The following GRID2 variants were observed in gnomAD, a reference collection of about 807,000 sequenced individuals.
GRID2 encodes glutamate ionotropic receptor delta type subunit 2, also known as glutamate receptor ionotropic, delta-2.
A neutral mutation model predicts 114.8 loss-of-function variants in GRID2; 33 were observed. That is an observed-to-expected ratio of 0.29 (90% CI 0.22 to 0.38). The LOEUF (loss-of-function observed/expected upper bound fraction) is 0.38, where lower values mean the gene tolerates loss of function less well. Ranked by LOEUF, GRID2 falls within the 10% of genes least tolerant of loss-of-function variation. The probability of loss-of-function intolerance (pLI) is 1.00; values close to 1 mark genes in which losing one functional copy is unlikely to be tolerated. For missense variants in GRID2, 1,184 were observed against 1,257.7 expected (o/e 0.94, Z 0.89); for synonymous variants, 505 against 449.9 (o/e 1.12, Z -1.55).
intron 9 of GRID2, among the ~76,000 whole-genome samples, chr4:93,407,911 G>A: frequency 6.6e-6 from 1 of 151,298 alleles, no homozygotes; most frequent in Non-Finnish European, 1.5e-5. Context: ...CTAGTGGTAT[G>A]ATTTTTGAAT....
chr4:92,854,934 A>G (rs1194316434), intron 2 of GRID2, among the ~76,000 whole-genome samples: 4 of 152,082 alleles, frequency 2.6e-5, no homozygotes, highest in African/African-American at 9.7e-5. Flanking sequence ...TGGAAAGGAA[A>G]TAATATTTTG....
At chr4:92,580,294 T>C (rs1369714739) in intron 1 of GRID2, among the ~76,000 whole-genome samples, 1 of 151,228 alleles carries the variant, frequency 6.6e-6, no homozygotes, top group African/African-American at 2.4e-5. Flanking sequence ...CTGTAAAATC[T>C]TCATTGTTGC....
intron 14 of GRID2, among the ~76,000 whole-genome samples, chr4:93,631,375 C>G (rs1720847129): frequency 6.6e-6 from 1 of 152,138 alleles, no homozygotes; most frequent in East Asian, 1.9e-4. Context: ...ACTCCCCGAC[C>G]CTAGGACAGG....
chr4:93,485,734 C>T (rs1361152025), intron 11 of GRID2, among the ~76,000 whole-genome samples: 1 of 151,666 alleles, frequency 6.6e-6, no homozygotes, highest in Non-Finnish European at 1.5e-5. Context: ...TATCCTTGTA[C>T]AACTAACCAA....
chr4:92,390,420 G>A (rs2870625), intron 1 of GRID2, among the ~76,000 whole-genome samples: 54,383 of 151,890 alleles, frequency 0.36, 10,455 homozygotes, highest in East Asian at 0.7. Context: ...TAGAATTTAA[G>A]AAGAGTGAAA....
chr4:92,901,334 A>G (rs1747568865), intron 2 of GRID2, among the ~76,000 whole-genome samples: 1 of 152,110 alleles, frequency 6.6e-6, no homozygotes, highest in African/African-American at 2.4e-5. Context: ...AGTGGTGCTG[A>G]GCAATTTTTC....
intron 11 of GRID2, among the ~76,000 whole-genome samples, chr4:93,473,401 C>G (rs1725028633): frequency 6.6e-6 from 1 of 151,998 alleles, no homozygotes; most frequent in African/African-American, 2.4e-5. Flanking sequence ...TTTTAATAGA[C>G]TTTAAAAATA....
At chr4:92,979,579 A>G (rs1754068033) in intron 2 of GRID2, among the ~76,000 whole-genome samples, 1 of 152,148 alleles carries the variant, frequency 6.6e-6, no homozygotes, top group South Asian at 2.1e-4. Flanking sequence ...CCAAAGAGCA[A>G]GGTGTGATTT....
chr4:92,677,737 C>T (rs1470399635), intron 2 of GRID2, among the ~76,000 whole-genome samples: 1 of 151,950 alleles, frequency 6.6e-6, no homozygotes, highest in Admixed American at 6.6e-5. Flanking sequence ...TTCTATTATC[C>T]AGGATTAGAT....
chr4:92,942,713 G>T (rs1459306238), intron 2 of GRID2, among the ~76,000 whole-genome samples: 3 of 152,136 alleles, frequency 2.0e-5, no homozygotes, highest in South Asian at 2.1e-4. Context: ...GGTACCGGTT[G>T]TTCCTTTCCA....
chr4:92,578,361 A>G (rs1728008997), intron 1 of GRID2, among the ~76,000 whole-genome samples: 1 of 142,350 alleles, frequency 7.0e-6, no homozygotes, highest in Non-Finnish European at 1.5e-5. Context: ...GAGTGAGAAC[A>G]TGAAGTGTTT....
intron 14 of GRID2, among the ~76,000 whole-genome samples, chr4:93,741,076 C>A (rs1731321792): frequency 6.7e-6 from 1 of 148,572 alleles, no homozygotes; most frequent in Non-Finnish European, 1.5e-5. Context: ...GGTTTCAGTT[C>A]CTGTCTCAAT....
intron 2 of GRID2, among the ~76,000 whole-genome samples, chr4:92,875,048 A>G (rs1487821688): frequency 2.0e-5 from 3 of 151,282 alleles, no homozygotes; most frequent in Non-Finnish European, 4.4e-5. Context: ...GGACTTTATT[A>G]GATGTAAATA....
At chr4:92,439,481 G>C (rs944830549) in intron 1 of GRID2, among the ~76,000 whole-genome samples, 1 of 150,498 alleles carries the variant, frequency 6.6e-6, no homozygotes, top group Admixed American at 6.6e-5. Context: ...ATTTTTAGGG[G>C]GTGGTATGGA....
At chr4:93,794,667 C>A (rs1216188675) in intron 1 of GRID2, among the ~76,000 whole-genome samples, 3 of 152,190 alleles carry the variant, frequency 2.0e-5, no homozygotes, top group Admixed American at 1.3e-4. Flanking sequence ...GCAGGGTTTG[C>A]CAACTTGCAG....
chr4:93,478,027 A>C (rs953047734), intron 11 of GRID2, among the ~76,000 whole-genome samples: 1 of 152,080 alleles, frequency 6.6e-6, no homozygotes, highest in Non-Finnish European at 1.5e-5. Context: ...CTTAACATAC[A>C]ACTGTGTCAA....
chr4:92,466,226 G>A (rs1329870559), intron 1 of GRID2, among the ~76,000 whole-genome samples: 1 of 151,648 alleles, frequency 6.6e-6, no homozygotes, highest in Non-Finnish European at 1.5e-5. Context: ...TACTTGTGTT[G>A]GGAGCATTCA....
intron 14 of GRID2, among the ~76,000 whole-genome samples, chr4:93,729,552 C>T (rs975816796): frequency 6.8e-6 from 1 of 146,326 alleles, no homozygotes; most frequent in South Asian, 2.2e-4. Context: ...TAATCATTTT[C>T]TTTTTTTTTT....
chr4:93,427,142 A>T (rs554302246), intron 10 of GRID2, among the ~76,000 whole-genome samples: 1 of 152,160 alleles, frequency 6.6e-6, no homozygotes, highest in African/African-American at 2.4e-5. Flanking sequence ...GATGTAAGTT[A>T]TAATTTTTAA....
Sources: gnomAD v4.1 joint callset for allele counts (sites outside exome capture counted in the v4.1 genomes callset) on GRCh38, gnomAD v4.1.1 for gene constraint, MANE v1.5 for transcripts, NCBI Gene and HGNC (gene_info 2026-07-23, HGNC 2026-07-21) for gene names.